Variants in ANKAR observed in about 807,000 individuals in gnomAD.
ANKAR encodes the protein ankyrin and armadillo repeat containing.
A neutral mutation model predicts 146.2 loss-of-function variants in ANKAR; 136 were observed. The observed-to-expected ratio is 0.93, with a 90% CI of 0.81 to 1.07. The LOEUF (loss-of-function observed/expected upper bound fraction) is 1.07. ANKAR is among the 50% of genes least tolerant of loss of function. The pLI is 0.00. For synonymous variants in ANKAR, 500 were observed against 575.8 expected (o/e 0.87, Z 1.88); for missense variants, 1,567 against 1,679.9 (o/e 0.93, Z 1.18).
intron 9 of ANKAR, among the ~76,000 whole-genome samples, chr2:189,710,633 C>G (rs1205131319): frequency 2.0e-5 from 3 of 152,072 alleles, no homozygotes; most frequent in Non-Finnish European, 4.4e-5. Context: ...AATGCTGTCT[C>G]TGCAAAAAAA....
At chr2:189,688,066 AT>A (rs200118668) in intron 2 of ANKAR, among the ~76,000 whole-genome samples, 1 of 151,272 alleles carries the variant, frequency 6.6e-6, no homozygotes, top group Admixed American at 6.6e-5. Context: ...AGTTTACCCA[AT>A]TTTTTTTTAG....
chr2:189,727,798 C>G (rs768583467), intron 12 of ANKAR, 58 bp from the exon 13 acceptor site: 11 of 1,568,160 alleles, frequency 7.0e-6, no homozygotes. Flanking sequence ...ATATGCTGCA[C>G]TTTGATATTC....
intron 10 of ANKAR, among the ~76,000 whole-genome samples, chr2:189,714,423 A>C (rs2040137298): frequency 6.6e-6 from 1 of 152,254 alleles, no homozygotes; most frequent in African/African-American, 2.4e-5. Flanking sequence ...CTCAGACCAC[A>C]GTGCAATCAA....
At chr2:189,688,734 G>A (rs1042130447) in intron 2 of ANKAR, among the ~76,000 whole-genome samples, 6 of 152,174 alleles carry the variant, frequency 3.9e-5, no homozygotes, top group Admixed American at 1.3e-4. Context: ...AAACATGCAC[G>A]TTACATATGA....
Position 189,733,187 on chromosome 2 carries a change from T to G in ANKAR, c.3381T>G (p.Phe1127Leu). Residue 1127 changes from phenylalanine to leucine, a missense_variant, in exon 17 of 23, where the codon TTT becomes TTG. Physicochemically the swap from Phe to Leu is conservative, Grantham distance 22. Transcript: ENST00000684021. ...LQKDLHENEGFEYADVLYLLH... is the reference protein window; with the variant it reads ...LQKDLHENEGLEYADVLYLLH... ...AAGACTTACATGAAAATGAAGGATT[T>G]GAATATGCTGATGTCCTTTATCTTC... 1 of 1,612,210 alleles carries G rather than the reference T, an allele frequency of 6.2e-7. No homozygotes were observed. Among genetic ancestry groups the G allele is most frequent in the South Asian group, 1.1e-5 (1 of 90,732 alleles).
rs66795152 is a variant in ANKAR at position 189,718,359 on chromosome 2, G to GACACACACACACAC, written c.2225-1191_2225-1178dup. On this transcript the variant is annotated intron_variant, in intron 10 of 22. Coordinates refer to ENST00000684021, the MANE Select transcript of ANKAR (RefSeq NM_001378068.1). ...CTGTCTAGCTATCTATCTACACACA[G>GACACACACACACAC]ACACACACACACACACACACACACA... 5.3e-5 allele frequency among the ~76,000 whole-genome samples: 8 copies of GACACACACACACAC among 151,166 alleles called. 1 individual carries two copies. The East Asian group carries it at 1.6e-3, about 29-fold the overall frequency.
Position 189,755,710 on chromosome 2 carries a change from C to G in ANKAR, c.*585-5388C>G, listed in dbSNP as rs182721041. On this transcript the variant is annotated intron_variant and NMD_transcript_variant, in intron 18 of 18. Coordinates refer to the ANKAR transcript ENST00000441800. The stretch of plus-strand genomic sequence containing the variant: ...ATTGTGTGCCTTCTAACATAGCACA[C>G]TATGGTTAAAACTCAGTAAGCAGTA... 202 of 826,466 alleles carry G rather than the reference C, an allele frequency of 2.4e-4. 2 individuals are homozygous for G. The Middle Eastern group carries it at 6.9e-3, about 28-fold the overall frequency. 51.2% of individuals were successfully genotyped at this position (826,466 alleles called of 1,614,324 possible). A position where few individuals can be genotyped will look rare whatever the true frequency, so the allele number is the denominator to read the frequency against.
rs550819661 is a variant in ANKAR at position 189,718,915 on chromosome 2, A to G, written c.2225-657A>G. Among the ~76,000 whole-genome samples, 12 of 149,610 alleles carry G rather than the reference A, an allele frequency of 8.0e-5. No homozygotes were observed. In the South Asian group the frequency reaches 2.6e-3, roughly 32 times the overall value. On this transcript the variant is annotated intron_variant, in intron 10 of 22. Transcript: ENST00000684021. The stretch of plus-strand genomic sequence containing the variant: ...CAGGCGCCCGCCACCGCGCCCGGCT[A>G]ATTTTTTGTATTTTTAGTAGAGACG...
chr2:189,715,232 C>T (rs2040280136), intron 10 of ANKAR, among the ~76,000 whole-genome samples: 1 of 152,004 alleles, frequency 6.6e-6, no homozygotes, highest in Admixed American at 6.6e-5. Flanking sequence ...ATCACATAGA[C>T]ACAAGAAAAA....
intron 12 of ANKAR, among the ~76,000 whole-genome samples, chr2:189,724,754 T>C (rs948363530): frequency 2.6e-5 from 4 of 152,082 alleles, no homozygotes; most frequent in Non-Finnish European, 4.4e-5. Flanking sequence ...AAAAAACAAA[T>C]GCTGGATTAT....
intron 13 of ANKAR, 71 bp downstream of exon 13, chr2:189,728,168 A>G: frequency 1.3e-6 from 2 of 1,510,348 alleles, no homozygotes; most frequent in African/African-American, 2.8e-5. Context: ...AAGTGAATAG[A>G]AAAACTAAAC....
intron 4 of ANKAR, chr2:189,692,746 C>T: frequency 3.9e-6 from 1 of 257,332 alleles, no homozygotes; most frequent in Non-Finnish European, 7.2e-6. Context: ...ACTCAGTACA[C>T]ATTCTTCCAT....
intron 7 of ANKAR, among the ~76,000 whole-genome samples, chr2:189,701,155 CA>C (rs1191350886): frequency 6.6e-6 from 1 of 152,168 alleles, no homozygotes; most frequent in Non-Finnish European, 1.5e-5. Flanking sequence ...AATTATCAAT[CA>C]TTATTGTTTT....
At chr2:189,714,756 C>A (rs2040185788) in intron 10 of ANKAR, among the ~76,000 whole-genome samples, 1 of 151,568 alleles carries the variant, frequency 6.6e-6, no homozygotes, top group African/African-American at 2.4e-5. Flanking sequence ...ACAATCCTGG[C>A]TAACACAGTG....
chr2:189,693,282 G>A, intron 5 of ANKAR, 105 bp downstream of exon 5: 1 of 695,192 alleles, frequency 1.4e-6, no homozygotes, highest in Non-Finnish European at 2.5e-6. Flanking sequence ...CCTTTACAAT[G>A]GCGATTCCAC....
chr2:189,762,370 C>T (rs963226186), downstream of ANKAR, among the ~76,000 whole-genome samples: 6 of 152,216 alleles, frequency 3.9e-5, no homozygotes, highest in Non-Finnish European at 7.3e-5. Flanking sequence ...AAAGCAGGGC[C>T]TTTCTCCACC....
intron 12 of ANKAR, among the ~76,000 whole-genome samples, chr2:189,724,870 C>T (rs1375187312): frequency 6.6e-6 from 1 of 152,030 alleles, no homozygotes; most frequent in Admixed American, 6.5e-5. Context: ...AAAATTAAAT[C>T]TACAAGGCTG....
At chr2:189,692,516 C>T in intron 4 of ANKAR, 98 bp downstream of exon 4, 1 of 1,038,848 alleles carries the variant, frequency 9.6e-7, no homozygotes, top group Non-Finnish European at 1.4e-6. Context: ...CACTCGACAG[C>T]TCTCCAAATG....
At chr2:189,750,459 A>T (rs2044994967), downstream of ANKAR, 4 of 586,904 alleles carry the variant, frequency 6.8e-6, no homozygotes, top group Non-Finnish European at 8.9e-6. Flanking sequence ...TAGAAAAAAA[A>T]AAATAAAATC....
Sources: allele counts gnomAD v4.1 joint callset (sites outside exome capture counted in the v4.1 genomes callset), GRCh38; gene constraint gnomAD v4.1.1; transcripts MANE v1.5; gene names NCBI Gene and HGNC (gene_info 2026-07-23, HGNC 2026-07-21).